NMT2: variants seen among roughly 807,000 people sequenced by gnomAD.
NMT2 encodes N-myristoyltransferase 2, also known as glycylpeptide N-tetradecanoyltransferase 2.
Under a neutral mutation model 65.4 loss-of-function variants are expected in NMT2, and 35 were observed. The ratio of observed to expected loss-of-function variants is 0.54; its 90% CI spans 0.41 to 0.71. The LOEUF is 0.71. Among genes scored for constraint, NMT2 ranks in the 30% least tolerant of loss-of-function variants. NMT2 has a pLI of 0.00. For synonymous variants in NMT2, 226 were observed against 231.8 expected (o/e 0.98, Z 0.23); for missense variants, 489 against 611.3 (o/e 0.80, Z 2.11).
At chr10:15,160,221 C>G (rs1010182121) in intron 1 of NMT2, among the ~76,000 whole-genome samples, 1 of 152,214 alleles carries the variant, frequency 6.6e-6, no homozygotes, top group Non-Finnish European at 1.5e-5. Flanking sequence ...GCCACAAACG[C>G]TTCAGCAAAT....
At chr10:15,129,693 G>A (rs1021716692) in intron 7 of NMT2, among the ~76,000 whole-genome samples, 2 of 152,012 alleles carry the variant, frequency 1.3e-5, no homozygotes, top group African/African-American at 2.4e-5. Context: ...AGATCCACAC[G>A]AGGTCAGGAG....
At chr10:15,127,071 C>G (rs1846096502) in intron 8 of NMT2, among the ~76,000 whole-genome samples, 2 of 148,838 alleles carry the variant, frequency 1.3e-5, no homozygotes, top group South Asian at 4.3e-4. Context: ...GCCATCTCTA[C>G]TAAAAATACA....
At chr10:15,123,187 GA>G (rs1385311030) in intron 8 of NMT2, among the ~76,000 whole-genome samples, 3 of 152,148 alleles carry the variant, frequency 2.0e-5, no homozygotes, top group East Asian at 1.9e-4. Context: ...ATAAAAAACA[GA>G]AAGTCCTAGA....
chr10:15,154,759 G>C (rs1466569303), intron 1 of NMT2: 1 of 640,906 alleles, frequency 1.6e-6, no homozygotes, highest in Non-Finnish European at 2.9e-6. Context: ...GCTACAAAAG[G>C]AATGGTCTGG....
chr10:15,161,909 T>C (rs1833211358), intron 1 of NMT2, among the ~76,000 whole-genome samples: 1 of 152,216 alleles, frequency 6.6e-6, no homozygotes, highest in Admixed American at 6.5e-5. Context: ...TAAATAGTGG[T>C]TAATTTTTTG....
At chr10:15,129,670 G>A (rs1846206337) in intron 7 of NMT2, among the ~76,000 whole-genome samples, 2 of 152,078 alleles carry the variant, frequency 1.3e-5, no homozygotes, top group Admixed American at 1.3e-4. Context: ...ACATGGAATA[G>A]ACTTAGAAGT....
Position 15,106,961 on chromosome 10 carries a change from C to T in NMT2, c.*2234G>A, listed in dbSNP as rs116659422. Among the ~76,000 whole-genome samples, 1,276 of 152,150 alleles carry T rather than the reference C, an allele frequency of 8.4e-3. 22 individuals carry two copies. The highest frequency in any genetic ancestry group is 0.029 in the African/African-American group (1,198 of 41,508). On this transcript the variant is annotated 3_prime_UTR_variant, in exon 12 of 12. Coordinates refer to ENST00000378165, the MANE Select transcript of NMT2 (RefSeq NM_004808.3). The stretch of plus-strand genomic sequence containing the variant: ...ACAAAAAATGAAAAACTTAGCCAGG[C>T]GTGGTGGTATGCACGCCCAGCTAGT...
rs746676303 is a variant in NMT2 at position 15,119,372 on chromosome 10, C to G, written c.1141G>C (p.Glu381Gln). ...ACTACAAACGTGTCAATAATGTGCT[C>G]CCGGGGGAGGAACCAGTGGGCTACT... Reference protein sequence around the residue: ...EEVAHWFLPREHIIDTFVVES... With the variant: ...EEVAHWFLPRQHIIDTFVVES... Residue 381 changes from glutamate to glutamine, a missense_variant, in exon 9 of 12, where the codon GAG (glutamate) becomes CAG (glutamine). Transcript: ENST00000378165. 3.1e-6 allele frequency: 5 copies of G among 1,614,056 alleles called. No homozygotes were observed. In the Admixed American group the frequency reaches 8.3e-5, roughly 27 times the overall value.
chr10:15,121,969 C>T (rs1388222101), intron 8 of NMT2, among the ~76,000 whole-genome samples: 1 of 152,096 alleles, frequency 6.6e-6, no homozygotes, highest in Non-Finnish European at 1.5e-5. Flanking sequence ...TCTTTTAGTA[C>T]CTCTCAAAAC....
At chr10:15,164,070 C>CT (rs1005929637) in intron 1 of NMT2, among the ~76,000 whole-genome samples, 1 of 150,962 alleles carries the variant, frequency 6.6e-6, no homozygotes, top group African/African-American at 2.4e-5. Flanking sequence ...GTAGTCCCAG[C>CT]TACTCCGGAA....
In NMT2 at chr10:15,106,046, G is replaced by A. The variant is rs918200444; in HGVS notation, c.*3149C>T. 15 of 396,440 alleles carry A rather than the reference G, an allele frequency of 3.8e-5. No homozygotes were observed. The highest frequency in any genetic ancestry group is 3.3e-4 in the African/African-American group (15 of 45,772). The allele number at this position is 396,440 out of a possible 1,614,324, so 24.6% of individuals were successfully genotyped here. A position where few individuals can be genotyped will look rare whatever the true frequency, so the allele number is the denominator to read the frequency against. On this transcript the variant is annotated 3_prime_UTR_variant, in exon 12 of 12. Coordinates refer to ENST00000378165, the MANE Select transcript of NMT2 (RefSeq NM_004808.3). The stretch of plus-strand genomic sequence containing the variant: ...GTCTCACTCTGTTGCCCAGGCTGGA[G>A]TGCAGTGGTGTGATCCCGGCTCACT...
chr10:15,164,236 G>C (rs1833302341), intron 1 of NMT2, among the ~76,000 whole-genome samples: 1 of 149,682 alleles, frequency 6.7e-6, no homozygotes, highest in South Asian at 2.1e-4. Context: ...GTCTACCCCA[G>C]GGACTAATTT....
chr10:15,118,241 A>T (rs1845809685), intron 9 of NMT2, among the ~76,000 whole-genome samples: 1 of 152,202 alleles, frequency 6.6e-6, no homozygotes, highest in Admixed American at 6.5e-5. Context: ...TTCAGCATAT[A>T]AAAAACCTTT....
chr10:15,150,641 C>T (rs1253227878), intron 1 of NMT2, among the ~76,000 whole-genome samples: 1 of 152,088 alleles, frequency 6.6e-6, no homozygotes, highest in African/African-American at 2.4e-5. Context: ...AGGCTCAGAG[C>T]TCAGAGCCGT....
chr10:15,160,504 G>A (rs1266355722), intron 1 of NMT2, among the ~76,000 whole-genome samples: 3 of 152,206 alleles, frequency 2.0e-5, no homozygotes, highest in African/African-American at 7.2e-5. Flanking sequence ...GCCAGGTGCA[G>A]TGGCTCACAC....
At chr10:15,152,846 AG>A (rs1832850504) in intron 1 of NMT2, among the ~76,000 whole-genome samples, 1 of 152,194 alleles carries the variant, frequency 6.6e-6, no homozygotes, top group Admixed American at 6.5e-5. Flanking sequence ...AACTTAACTG[AG>A]AAAGATTTTT....
At chr10:15,157,569 A>G (rs7092705) in intron 1 of NMT2, among the ~76,000 whole-genome samples, 2,294 of 152,278 alleles carry the variant, frequency 0.015, 68 homozygotes, top group African/African-American at 0.052. Context: ...GTACAAGGCT[A>G]CAGGTAAGGC....
intron 1 of NMT2, among the ~76,000 whole-genome samples, chr10:15,161,081 CAAAAAAAAAA>C (rs750859200): frequency 1.5e-3 from 29 of 19,280 alleles, no homozygotes; most frequent in East Asian, 6.7e-3. Context: ...CCTCAAAAAT[CAAAAAAAAAA>C]AAAAAAAAAA....
intron 1 of NMT2, among the ~76,000 whole-genome samples, chr10:15,159,841 G>A (rs1833127405): frequency 6.6e-6 from 1 of 152,200 alleles, no homozygotes; most frequent in Non-Finnish European, 1.5e-5. Flanking sequence ...ACCTCTAGGA[G>A]CCACAGCTTG....
Sources: gnomAD v4.1 joint callset for allele counts (sites outside exome capture counted in the v4.1 genomes callset) on GRCh38, gnomAD v4.1.1 for gene constraint, MANE v1.5 for transcripts, NCBI Gene and HGNC (gene_info 2026-07-23, HGNC 2026-07-21) for gene names.